The following MTX1 variants were observed in gnomAD, a reference collection of about 807,000 sequenced individuals.
The protein encoded by MTX1 is metaxin 1, also known as metaxin-1.
In MTX1, 20 loss-of-function variants were observed where a neutral mutation model predicts 39.4. That is an observed-to-expected ratio of 0.51 (90% CI 0.36 to 0.74). MTX1 has a LOEUF of 0.74. Ranked by LOEUF, MTX1 falls within the 30% of genes least tolerant of loss-of-function variation. The pLI is 0.00. For synonymous variants in MTX1, 209 were observed against 198.6 expected (o/e 1.05, Z -0.44); for missense variants, 481 against 485.9 (o/e 0.99, Z 0.10).
At position 155,209,343 on chromosome 1, in the gene MTX1, G is replaced by A. The variant is rs767619556; in HGVS notation, c.528+11G>A. On this transcript the variant is annotated intron_variant, in intron 1 of 7. Transcript: ENST00000368376. ...AGCCTGGCCGTGCTGGTGAGGGGTG[G>A]CGCCGGCGCCCTCTGCTGTGCCCTG... 7.1e-7 allele frequency: 1 copy of A among 1,413,160 alleles called. No individual in the cohort carries two copies. The highest frequency in any genetic ancestry group is 9.2e-7 in the Non-Finnish European group (1 of 1,086,932). The allele number at this position is 1,413,160 out of a possible 1,614,324, so 87.5% of individuals were successfully genotyped here. A position where few individuals can be genotyped will look rare whatever the true frequency, so the allele number is the denominator to read the frequency against.
rs1671075697 is a variant in MTX1, at chr1:155,210,405, G to A, written c.588G>A (p.Gln196=). The change falls in exon 2 of 8, where the codon CAG becomes CAA. Residue 196 remains glutamine, a synonymous_variant. Transcript: ENST00000368376. ...TACACAAGATCAGCAACCCCTGGCA[G>A]AGCCCTTCAGGTACCCAGTATCCCT... ...LKVHKISNPW[Q]SPSGTLPALR... 6.2e-7 allele frequency: 1 copy of A among 1,614,192 alleles called. No individual in the cohort carries two copies. Among genetic ancestry groups the A allele is most frequent in the Admixed American group, 1.7e-5 (1 of 60,024 alleles).
Position 155,210,630 on chromosome 1 carries a change from A to AG in MTX1, c.678+5dup. The AG allele has an allele frequency of 6.2e-7, 1 of 1,613,206 alleles. No homozygotes were observed. The highest frequency in any genetic ancestry group is 2.2e-5 in the East Asian group (1 of 44,890). On this transcript the variant is annotated splice_donor_region_variant and intron_variant, in intron 3 of 7. Coordinates refer to ENST00000368376, the MANE Select transcript of MTX1 (RefSeq NM_002455.5). ...TCATCACCCACCTTCGAAAAGAGGTAGGTGACTTGGATAGAGGGGGCTGCC... is the reference window on the plus strand; with the variant it reads ...TCATCACCCACCTTCGAAAAGAGGTAGGGTGACTTGGATAGAGGGGGCTGCC...
intron 1 of MTX1, among the ~76,000 whole-genome samples, 175 bp from the exon 2 acceptor site, chr1:155,210,171 C>T (rs1336006911): frequency 6.6e-6 from 1 of 152,162 alleles, no homozygotes; most frequent in Non-Finnish European, 1.5e-5. Flanking sequence ...CTCTCTGAGC[C>T]CTGTGTTGTC....
chr1:155,212,239 C>G lies in MTX1; in HGVS notation c.771+20C>G. The G allele has an allele frequency of 6.2e-7, 1 of 1,602,298 alleles. No individual in the cohort carries two copies. The highest frequency in any genetic ancestry group is 8.5e-7 in the Non-Finnish European group (1 of 1,173,352). ...GTGCTGGTGAGTGTGCCCAGACCTCCCAGCATCCATGGCCAGCCGGGGAGG... is the reference window on the plus strand; with the variant it reads ...GTGCTGGTGAGTGTGCCCAGACCTCGCAGCATCCATGGCCAGCCGGGGAGG... On this transcript the variant is annotated intron_variant, in intron 4 of 7. Transcript: ENST00000368376.
At chr1:155,212,302 AG>A in intron 4 of MTX1, 82 bp from the exon 5 acceptor site, 2 of 1,597,836 alleles carry the variant, frequency 1.3e-6, no homozygotes, top group Non-Finnish European at 1.7e-6. Context: ...GGCTCAGGAA[AG>A]CATGGGGGTC....
In MTX1 at chr1:155,209,271, T is replaced by A. The variant is rs1230697047; in HGVS notation, c.467T>A (p.Leu156Gln). ...RVGKMAAPME[L>Q]FCWSGGWGLP... ...GGCAAGATGGCGGCGCCCATGGAGC[T>A]GTTCTGCTGGTCAGGGGGCTGGGGG... Residue 156 changes from leucine to glutamine, a missense_variant, in exon 1 of 8, where the codon CTG becomes CAG. Transcript: ENST00000368376. 2.8e-6 allele frequency: 4 copies of A among 1,449,404 alleles called. No homozygotes were observed. Among genetic ancestry groups the A allele is most frequent in the Admixed American group, 2.8e-5 (1 of 35,602 alleles). 89.8% of individuals were successfully genotyped at this position (1,449,404 alleles called of 1,614,324 possible).
Position 155,208,836 on chromosome 1 carries a change from G to T in MTX1, c.32G>T (p.Arg11Leu). Residue 11 changes from arginine to leucine, a missense_variant, in exon 1 of 8, where the codon CGC becomes CTC. This residue lies in a region of MTX1 where 368 missense variants were observed against 332.8 expected (regional missense o/e 1.11). Coordinates refer to ENST00000368376, the MANE Select transcript of MTX1 (RefSeq NM_002455.5). The part of the protein sequence containing the change: MLLGGPPRSP[R>L]SGTSPKGPWS... Reference sequence around the variant, plus strand: ...CTCGGGGGACCCCCCCGCAGTCCCCGCTCGGGGACGAGCCCCAAGGGGCCC... The same window carrying T: ...CTCGGGGGACCCCCCCGCAGTCCCCTCTCGGGGACGAGCCCCAAGGGGCCC... 2 of 1,584,384 alleles carry T rather than the reference G, an allele frequency of 1.3e-6. No individual in the cohort carries two copies. The highest frequency in any genetic ancestry group is 8.6e-7 in the Non-Finnish European group (1 of 1,162,808).
Position 155,208,707 on chromosome 1 carries a change from G to C in MTX1, c.-98G>C. The C allele has an allele frequency of 2.9e-5, 30 of 1,035,740 alleles. No individual in the cohort carries two copies. Among genetic ancestry groups the C allele is most frequent in the Admixed American group, 6.5e-5 (2 of 30,964 alleles). 64.2% of individuals were successfully genotyped at this position (1,035,740 alleles called of 1,614,324 possible). On this transcript the variant is annotated 5_prime_UTR_variant, in exon 1 of 8. Transcript: ENST00000368376. ...CTTCCCCTCCCCCACCCAAGCCCCAGCCCGGCCTCCGCTCCGGCCGCCGCC... is the reference window on the plus strand; with the variant it reads ...CTTCCCCTCCCCCACCCAAGCCCCACCCCGGCCTCCGCTCCGGCCGCCGCC...
At chr1:155,212,102 C>G in intron 3 of MTX1, 25 bp from the exon 4 acceptor site, 1 of 1,579,936 alleles carries the variant, frequency 6.3e-7, no homozygotes, top group Non-Finnish European at 8.6e-7. Flanking sequence ...CCCTAGTGTC[C>G]ACGCCATGGA....
At position 155,212,478 on chromosome 1, in the gene MTX1, C is replaced by T. The variant is rs543008804; in HGVS notation, c.865C>T (p.Pro289Ser). Reference sequence around the variant, plus strand: ...GCCCTTTCCCCTCAACTTCTTCCTGCCTGGCCGCATGCAGCGGCAGTACAT... The same window carrying T: ...GCCCTTTCCCCTCAACTTCTTCCTGTCTGGCCGCATGCAGCGGCAGTACAT... ...AMPFPLNFFL[P>S]GRMQRQYMER... Residue 289 changes from proline (P) to serine (S), a missense_variant, in exon 5 of 8, where the codon CCT becomes TCT. Around this residue, in one of 2 missense-constraint regions of MTX1, gnomAD observed 113 missense variants for 153.2 expected, o/e 0.74. Transcript: ENST00000368376. 1 of 1,614,032 alleles carries T rather than the reference C, an allele frequency of 6.2e-7. No homozygotes were observed. The highest frequency in any genetic ancestry group is 8.5e-7 in the Non-Finnish European group (1 of 1,179,902).
At chr1:155,210,437 T>A (rs1307372133) in intron 2 of MTX1, 22 bp downstream of exon 2, 1 of 1,611,396 alleles carries the variant, frequency 6.2e-7, no homozygotes, top group South Asian at 1.1e-5. Flanking sequence ...CCCTTGGGGG[T>A]AAGGAAGGGT....
intron 3 of MTX1, 81 bp downstream of exon 3, chr1:155,210,708 T>C: frequency 7.6e-7 from 1 of 1,312,266 alleles, no homozygotes; most frequent in Non-Finnish European, 1.1e-6. Flanking sequence ...GAGCACCAGA[T>C]ATATGCCATG....
chr1:155,211,919 C>A (rs1350581200), intron 3 of MTX1: 1 of 449,386 alleles, frequency 2.2e-6, no homozygotes, highest in East Asian at 3.5e-5. Flanking sequence ...ACCTTCACGG[C>A]CAGGAGGCTC....
chr1:155,212,609 A>G (rs1571950353), intron 5 of MTX1, 42 bp downstream of exon 5: 4 of 1,606,032 alleles, frequency 2.5e-6, no homozygotes, highest in Non-Finnish European at 3.4e-6. Flanking sequence ...ATGAGCCCCA[A>G]GGATGCTGGC....
chr1:155,208,700 A>T lies in MTX1; in HGVS notation c.-105A>T. The T allele has an allele frequency of 8.3e-7, 1 of 1,209,116 alleles. No homozygotes were observed. The highest frequency in any genetic ancestry group is 1.1e-6 in the Non-Finnish European group (1 of 903,638). The allele number at this position is 1,209,116 out of a possible 1,614,324, so 74.9% of individuals were successfully genotyped here. On this transcript the variant is annotated 5_prime_UTR_variant, in exon 1 of 8. In the 5' UTR this introduces an upstream ATG that the reference lacks. Transcript: ENST00000368376. ...AGCCTCTCTTCCCCTCCCCCACCCAAGCCCCAGCCCGGCCTCCGCTCCGGC... is the reference window on the plus strand; with the variant it reads ...AGCCTCTCTTCCCCTCCCCCACCCATGCCCCAGCCCGGCCTCCGCTCCGGC...
intron 1 of MTX1, 142 bp downstream of exon 1, chr1:155,209,474 G>T (rs1571944984): frequency 2.1e-6 from 2 of 950,550 alleles, no homozygotes; most frequent in Non-Finnish European, 2.8e-6. Flanking sequence ...GTACGTGGCC[G>T]ATATGGCCTC....
In MTX1 at chr1:155,208,712, GCCT is replaced by G; in HGVS notation, c.-90_-88del. 71 of 1,308,498 alleles carry G rather than the reference GCCT, an allele frequency of 5.4e-5. No individual in the cohort carries two copies. Among genetic ancestry groups the G allele is most frequent in the Non-Finnish European group, 6.4e-5 (64 of 992,278 alleles). The allele number at this position is 1,308,498 out of a possible 1,614,324, so 81.1% of individuals were successfully genotyped here. A position where few individuals can be genotyped will look rare whatever the true frequency, so the allele number is the denominator to read the frequency against. ...CCTCCCCCACCCAAGCCCCAGCCCG[GCCT>G]CCGCTCCGGCCGCCGCCACCGCCCC... On this transcript the variant is annotated 5_prime_UTR_variant, in exon 1 of 8. Transcript: ENST00000368376.
rs766579470 is a variant in MTX1, at chr1:155,210,396, C to G, written c.579C>G (p.Asn193Lys). 1.2e-6 allele frequency: 2 copies of G among 1,614,204 alleles called. No individual in the cohort carries two copies. ...GAPLKVHKIS[N>K]PWQSPSGTLP... ...CACTGAAGGTACACAAGATCAGCAA[C>G]CCCTGGCAGAGCCCTTCAGGTACCC... The change falls in exon 2 of 8, where the codon AAC (asparagine) becomes AAG (lysine). Residue 193 changes from asparagine (N) to lysine (K), a missense_variant. By Grantham distance (94) the Asn-to-Lys change is moderately conservative. Transcript: ENST00000368376.
intron 3 of MTX1, 63 bp downstream of exon 3, chr1:155,210,690 C>T: frequency 6.9e-7 from 1 of 1,446,460 alleles, no homozygotes; most frequent in Non-Finnish European, 9.7e-7. Flanking sequence ...ATACAATACA[C>T]ATTTATTGAG....
Sources: allele counts gnomAD v4.1 joint callset (sites outside exome capture counted in the v4.1 genomes callset), GRCh38; gene constraint gnomAD v4.1.1; regional missense constraint gnomAD v4.1.1; transcripts MANE v1.5; gene names NCBI Gene and HGNC (gene_info 2026-07-23, HGNC 2026-07-21).